HACE1: variants seen among roughly 807,000 people sequenced by gnomAD.
HACE1 encodes E3 ubiquitin-protein ligase HACE1.
HACE1 carries 73 observed loss-of-function variants against 118.4 expected under a neutral mutation model. That is an observed-to-expected ratio of 0.62 (90% CI 0.51 to 0.75). The LOEUF (loss-of-function observed/expected upper bound fraction) is 0.75. Ranked by LOEUF, HACE1 falls within the 30% of genes least tolerant of loss-of-function variation. The probability of loss-of-function intolerance (pLI) is 0.00; values close to 1 mark genes in which losing one functional copy is unlikely to be tolerated. For synonymous variants in HACE1, 368 were observed against 374.8 expected, an observed-to-expected ratio of 0.98 and a Z score of 0.21; for missense variants, 749 against 1,102.2, an observed-to-expected ratio of 0.68 and a Z score of 4.54.
chr6:104,772,118 T>G, intron 17 of HACE1, 44 bp from the exon 18 acceptor site: 1 of 1,117,368 alleles, frequency 8.9e-7, no homozygotes, highest in Non-Finnish European at 1.3e-6. Context: ...AGAATCTATA[T>G]GCAGAAGAAA....
At chr6:104,742,929 T>C (rs894302995) in intron 22 of HACE1, among the ~76,000 whole-genome samples, 6 of 151,840 alleles carry the variant, frequency 4.0e-5, no homozygotes, top group African/African-American at 1.5e-4. Context: ...CCAACAATGA[T>C]AGACTGGATT....
At chr6:104,748,717 T>TA (rs769758829) in intron 20 of HACE1, among the ~76,000 whole-genome samples, 8 of 152,242 alleles carry the variant, frequency 5.3e-5, no homozygotes, top group Non-Finnish European at 1.0e-4. Context: ...TGAAATGCTA[T>TA]ACAGCAATTA....
At chr6:104,856,904 G>A (rs1776776651) in intron 1 of HACE1, among the ~76,000 whole-genome samples, 1 of 152,064 alleles carries the variant, frequency 6.6e-6, no homozygotes, top group Non-Finnish European at 1.5e-5. Context: ...AGGAAACATA[G>A]CATCCAACTC....
intron 6 of HACE1, among the ~76,000 whole-genome samples, chr6:104,816,142 C>G (rs1772092004): frequency 6.6e-6 from 1 of 151,316 alleles, no homozygotes; most frequent in South Asian, 2.1e-4. Context: ...CAGTAGAAAA[C>G]AAAAACCCAT....
rs913387857 is a variant in HACE1 at position 104,728,370 on chromosome 6, T to C, written c.*1292A>G. On this transcript the variant is annotated 3_prime_UTR_variant, in exon 24 of 24. Transcript: ENST00000262903. The stretch of plus-strand genomic sequence containing the variant: ...TCTTAATTTTAGAGCTAATGGTAAC[T>C]TTTAAATAATTCCTAAATTTCATGT... 6.6e-6 allele frequency: 1 copy of C among 152,190 alleles called. No individual in the cohort carries two copies. Among genetic ancestry groups the C allele is most frequent in the Non-Finnish European group, 1.5e-5 (1 of 68,014 alleles). 9.4% of individuals were successfully genotyped at this position (152,190 alleles called of 1,614,324 possible).
At chr6:104,762,884 G>C (rs978796441) in intron 19 of HACE1, among the ~76,000 whole-genome samples, 3 of 151,342 alleles carry the variant, frequency 2.0e-5, no homozygotes, top group Non-Finnish European at 4.4e-5. Flanking sequence ...CAGCTACTCG[G>C]GAGGCTGAGG....
rs201776642 is a variant in HACE1, at chr6:104,852,195, C to CTGTGTGTG, written c.131+121_131+122insCACACACA. The CTGTGTGTG allele has an allele frequency of 2.1e-3, 1,142 of 553,672 alleles. 9 individuals carry two copies. Among genetic ancestry groups the CTGTGTGTG allele is most frequent in the Admixed American group, 7.5e-3 (280 of 37,526 alleles). The allele number at this position is 553,672 out of a possible 1,614,324, so 34.3% of individuals were successfully genotyped here. On this transcript the variant is annotated intron_variant, in intron 2 of 23. Transcript: ENST00000262903. ...TTGCCCCAGAACATCTATGTCCAAA[C>CTGTGTGTG]TGTCTGTGTGTGTGTGTGTGTGTGT... is the stretch of plus-strand genomic sequence containing the variant.
intron 6 of HACE1, among the ~76,000 whole-genome samples, chr6:104,831,591 A>AAAAAG (rs1554258827): frequency 2.9e-5 from 4 of 138,906 alleles, no homozygotes; most frequent in Admixed American, 7.1e-5. Flanking sequence ...TCTCAAAAAA[A>AAAAAG]AAAAGAAAAG....
chr6:104,849,559 T>C (rs1775982249), intron 3 of HACE1, among the ~76,000 whole-genome samples: 1 of 150,626 alleles, frequency 6.6e-6, no homozygotes, highest in Non-Finnish European at 1.5e-5. Flanking sequence ...CCCAGGCTGA[T>C]TTCAAACTCC....
intron 22 of HACE1, among the ~76,000 whole-genome samples, chr6:104,740,131 C>T (rs1398221555): frequency 1.3e-5 from 2 of 148,586 alleles, no homozygotes; most frequent in African/African-American, 5.1e-5. Flanking sequence ...AGAACAACGA[C>T]ACAACATACC....
chr6:104,786,330 G>A (rs1782387679), intron 11 of HACE1: 1 of 130,310 alleles, frequency 7.7e-6, no homozygotes, highest in African/African-American at 3.0e-5. Flanking sequence ...GACAGGGCGA[G>A]ACTCCATCTC....
chr6:104,859,830 G>T lies in HACE1; in HGVS notation c.-188C>A. ...CCGGGGGCCGGGCTGCTGCCGGACC[G>T]ACCACCTACAGTACACCCGCCGCCG... On this transcript the variant is annotated 5_prime_UTR_variant, in exon 1 of 24. Transcript: ENST00000262903. 1.8e-6 allele frequency: 1 copy of T among 553,128 alleles called. No individual in the cohort carries two copies. The highest frequency in any genetic ancestry group is 2.3e-5 in the South Asian group (1 of 43,776). 34.3% of individuals were successfully genotyped at this position (553,128 alleles called of 1,614,324 possible). A position where few individuals can be genotyped will look rare whatever the true frequency, so the allele number is the denominator to read the frequency against.
chr6:104,785,093 C>T lies in HACE1; in HGVS notation c.1301G>A (p.Arg434Lys). The change falls in exon 12 of 24, where the codon AGA becomes AAA. Residue 434 changes from arginine (R) to lysine (K), a missense_variant. Coordinates refer to ENST00000262903, the MANE Select transcript of HACE1 (RefSeq NM_020771.4). ...CTGACAATCTGCACTGGCTTCCTGTCTCCCTGCAAGAGCATCTGGTTTAGA... is the reference window on the plus strand; with the variant it reads ...CTGACAATCTGCACTGGCTTCCTGTTTCCCTGCAAGAGCATCTGGTTTAGA... ...RESKPDALAGRQEASADCQDV... is the reference protein window; with the variant it reads ...RESKPDALAGKQEASADCQDV... 2 of 1,613,864 alleles carry T rather than the reference C, an allele frequency of 1.2e-6. No individual in the cohort carries two copies. The highest frequency in any genetic ancestry group is 1.7e-6 in the Non-Finnish European group (2 of 1,179,830).
intron 13 of HACE1, 41 bp downstream of exon 13, chr6:104,784,376 G>A (rs752679575): frequency 4.6e-6 from 6 of 1,295,450 alleles, no homozygotes; most frequent in Middle Eastern, 3.6e-4. Flanking sequence ...AGTAAAGAGA[G>A]GAAAGGCTAG....
chr6:104,800,273 T>A (rs1297121184), intron 7 of HACE1, among the ~76,000 whole-genome samples: 2 of 152,084 alleles, frequency 1.3e-5, no homozygotes, highest in African/African-American at 4.8e-5. Context: ...TAGACTCCAC[T>A]TCTGTGGGCA....
At chr6:104,830,295 T>C (rs576446624) in intron 6 of HACE1, among the ~76,000 whole-genome samples, 14 of 152,272 alleles carry the variant, frequency 9.2e-5, no homozygotes, top group Admixed American at 3.9e-4. Context: ...TTTTCCCACA[T>C]AGAATACGTT....
rs1489276108 is a variant in HACE1, at chr6:104,771,530, T to G, written c.2015-141A>C. 2.1e-5 allele frequency: 13 copies of G among 626,316 alleles called. No individual in the cohort carries two copies. In the East Asian group the frequency reaches 3.6e-4, roughly 17 times the overall value. 38.8% of individuals were successfully genotyped at this position (626,316 alleles called of 1,614,324 possible). The stretch of plus-strand genomic sequence containing the variant: ...CTACACACAGCATATTTTAAATGGA[T>G]TCCTGAATTTGAAAGTCTGTTAAAT... On this transcript the variant is annotated intron_variant, in intron 18 of 23. Transcript: ENST00000262903.
At chr6:104,740,345 CA>C (rs1204448985) in intron 22 of HACE1, among the ~76,000 whole-genome samples, 5 of 150,630 alleles carry the variant, frequency 3.3e-5, no homozygotes. Flanking sequence ...AATAGAGACA[CA>C]AAAAACCCTT....
Position 104,776,751 on chromosome 6 carries a change from C to G in HACE1, c.1854G>C (p.Gln618His). 6.3e-7 allele frequency: 1 copy of G among 1,594,582 alleles called. No individual in the cohort carries two copies. Among genetic ancestry groups the G allele is most frequent in the Non-Finnish European group, 8.6e-7 (1 of 1,162,100 alleles). ...GACTGTACAACTTACCATCAGCTGACTGGGTAAACAATGCATAATCAGGAT... is the reference window on the plus strand; with the variant it reads ...GACTGTACAACTTACCATCAGCTGAGTGGGTAAACAATGCATAATCAGGAT... ...IVNPDYALFT[Q>H]SADGTTFQPN... The change falls in exon 17 of 24, where the codon CAG (glutamine) becomes CAC (histidine). Residue 618 changes from glutamine to histidine, a missense_variant. This residue lies in a region of HACE1 where 195 missense variants were observed against 322.1 expected (regional missense o/e 0.61). Transcript: ENST00000262903.
Sources: allele counts gnomAD v4.1 joint callset (sites outside exome capture counted in the v4.1 genomes callset), GRCh38; gene constraint gnomAD v4.1.1; regional missense constraint gnomAD v4.1.1; transcripts MANE v1.5; gene names NCBI Gene and HGNC (gene_info 2026-07-23, HGNC 2026-07-21).